Variants in RNGTT observed in about 807,000 individuals in gnomAD.
RNGTT encodes the protein RNA guanylyltransferase and 5'-phosphatase.
Under a neutral mutation model 79.3 loss-of-function variants are expected in RNGTT, and 33 were observed. The ratio of observed to expected loss-of-function variants is 0.42; its 90% confidence interval spans 0.32 to 0.56. The LOEUF is 0.56. RNGTT is among the 20% of genes least tolerant of loss of function. The pLI, the probability that RNGTT is intolerant of heterozygous loss-of-function variation, is 0.17. For missense variants in RNGTT, 497 were observed against 739.1 expected, an observed-to-expected ratio of 0.67 and a Z score of 3.80; for synonymous variants, 222 against 235.9, an observed-to-expected ratio of 0.94 and a Z score of 0.54.
At chr6:88,824,015 C>G (rs1780577138) in intron 11 of RNGTT, among the ~76,000 whole-genome samples, 1 of 152,140 alleles carries the variant, frequency 6.6e-6, no homozygotes, top group Admixed American at 6.5e-5. Flanking sequence ...GGAACTAGAT[C>G]ATACAGGTAT....
intron 4 of RNGTT, among the ~76,000 whole-genome samples, chr6:88,911,127 C>A (rs1443192300): frequency 6.6e-6 from 1 of 152,074 alleles, no homozygotes; most frequent in Non-Finnish European, 1.5e-5. Flanking sequence ...AAAAATCTCA[C>A]GTATCATTAA....
chr6:88,799,700 CA>C (rs36033019), intron 12 of RNGTT, among the ~76,000 whole-genome samples: 9,290 of 46,336 alleles, frequency 0.2, 187 homozygotes, highest in Middle Eastern at 0.33. Flanking sequence ...AACTCCATCT[CA>C]AAAAAAAAAA....
At chr6:88,680,603 G>A (rs56074293) in intron 13 of RNGTT, among the ~76,000 whole-genome samples, 3,757 of 151,956 alleles carry the variant, frequency 0.025, 138 homozygotes, top group African/African-American at 0.085. Flanking sequence ...TTAGCCAGGC[G>A]TGGTGGCGCA....
intron 11 of RNGTT, among the ~76,000 whole-genome samples, chr6:88,833,887 T>G (rs1229378166): frequency 6.6e-6 from 1 of 152,078 alleles, no homozygotes; most frequent in Non-Finnish European, 1.5e-5. Context: ...CCGGGTGTGG[T>G]GGCGCACACC....
chr6:88,933,603 C>T (rs138356660), intron 2 of RNGTT, among the ~76,000 whole-genome samples: 271 of 152,200 alleles, frequency 1.8e-3, no homozygotes, highest in Non-Finnish European at 3.2e-3. Context: ...ATCTCAGCCT[C>T]CTAAGTTCTA....
intron 2 of RNGTT, among the ~76,000 whole-genome samples, chr6:88,936,509 G>A (rs1313844487): frequency 6.6e-6 from 1 of 152,166 alleles, no homozygotes; most frequent in Non-Finnish European, 1.5e-5. Context: ...TTAGCTGTGG[G>A]CTTGTCATAT....
intron 14 of RNGTT, among the ~76,000 whole-genome samples, chr6:88,662,368 A>G (rs1774219119): frequency 6.6e-6 from 1 of 152,164 alleles, no homozygotes; most frequent in Admixed American, 6.5e-5. Context: ...AGCCCCCATC[A>G]CTGATGCATG....
chr6:88,941,665 CTT>C (rs776214733), intron 1 of RNGTT, among the ~76,000 whole-genome samples: 30 of 142,826 alleles, frequency 2.1e-4, no homozygotes, highest in Admixed American at 2.1e-4. Flanking sequence ...TACCCTACAT[CTT>C]TTTTTTTTTT....
chr6:88,893,775 T>C lies in RNGTT; in HGVS notation c.685-1860A>G, dbSNP rs1015290282. Among the ~76,000 whole-genome samples, 4 of 152,156 alleles carry C rather than the reference T, an allele frequency of 2.6e-5. No individual in the cohort carries two copies. The East Asian group carries it at 7.7e-4, about 29-fold the overall frequency. On this transcript the variant is annotated intron_variant, in intron 6 of 15. Coordinates refer to ENST00000369485, the MANE Select transcript of RNGTT (RefSeq NM_003800.5). ...TTCTTTTTTAACTTCCTCTATTTTC[T>C]TCCACAACAAATAAGTAAAAAGAAA...
chr6:88,793,802 C>A (rs1464041045), intron 12 of RNGTT, among the ~76,000 whole-genome samples: 1 of 151,594 alleles, frequency 6.6e-6, no homozygotes. Flanking sequence ...TCTCCCCCAC[C>A]AAAAAAAGAA....
intron 11 of RNGTT, among the ~76,000 whole-genome samples, chr6:88,807,587 A>G (rs1779999861): frequency 1.3e-5 from 2 of 152,192 alleles, no homozygotes; most frequent in South Asian, 2.1e-4. Context: ...GACTACAGCC[A>G]AAGACAGAAC....
At chr6:88,836,021 C>CAT (rs1487072352) in intron 11 of RNGTT, among the ~76,000 whole-genome samples, 10 of 118,054 alleles carry the variant, frequency 8.5e-5, no homozygotes, top group Non-Finnish European at 3.5e-5. Flanking sequence ...CACACACACA[C>CAT]ACATATATAT....
At chr6:88,841,048 T>C (rs889067880) in intron 11 of RNGTT, among the ~76,000 whole-genome samples, 8 of 152,202 alleles carry the variant, frequency 5.3e-5, no homozygotes, top group Admixed American at 2.6e-4. Context: ...ATTTAGAAAA[T>C]GTTCTCATAA....
chr6:88,713,593 G>A (rs1461676124), intron 13 of RNGTT, among the ~76,000 whole-genome samples: 2 of 152,016 alleles, frequency 1.3e-5, no homozygotes, highest in Non-Finnish European at 2.9e-5. Context: ...TATATAAAGT[G>A]CAGATATAGA....
rs190167172 is a variant in RNGTT at position 88,805,901 on chromosome 6, A to G, written c.1270-4269T>C. Among the ~76,000 whole-genome samples, 7 of 152,354 alleles carry G rather than the reference A, an allele frequency of 4.6e-5. No homozygotes were observed. The East Asian group carries it at 1.2e-3, about 25-fold the overall frequency. ...ACCCTTTTATACTCTAGGCATTACA[A>G]TAAATACAAGTAACAGCAGCCAACT... On this transcript the variant is annotated intron_variant, in intron 11 of 15. Transcript: ENST00000369485.
intron 14 of RNGTT, among the ~76,000 whole-genome samples, chr6:88,632,367 G>GCAC (rs1772923708): frequency 1.3e-5 from 2 of 152,272 alleles, no homozygotes; most frequent in South Asian, 4.1e-4. Flanking sequence ...GTCCAGACTT[G>GCAC]CAGCATCCCA....
chr6:88,779,025 C>T (rs1778978800), intron 12 of RNGTT, among the ~76,000 whole-genome samples: 1 of 152,150 alleles, frequency 6.6e-6, no homozygotes. Context: ...AACATTTTCC[C>T]ATTGTCAACC....
chr6:88,918,154 C>CA (rs1784056265), intron 4 of RNGTT, among the ~76,000 whole-genome samples: 1 of 151,898 alleles, frequency 6.6e-6, no homozygotes, highest in Non-Finnish European at 1.5e-5. Flanking sequence ...CCTGTCTCTA[C>CA]AAAAAATAAA....
chr6:88,956,562 A>T (rs1374884164), intron 1 of RNGTT, among the ~76,000 whole-genome samples: 2 of 152,194 alleles, frequency 1.3e-5, no homozygotes, highest in Non-Finnish European at 2.9e-5. Flanking sequence ...TCACTCTAAT[A>T]CCAAAACCAG....
Sources: allele counts gnomAD v4.1 joint callset (sites outside exome capture counted in the v4.1 genomes callset), GRCh38; gene constraint gnomAD v4.1.1; transcripts MANE v1.5; gene names NCBI Gene and HGNC (gene_info 2026-07-23, HGNC 2026-07-21).